CNTN6: variants seen among roughly 807,000 people sequenced by gnomAD.
CNTN6 encodes the protein contactin 6, also known as contactin-6.
In CNTN6, 137 loss-of-function variants were observed where a neutral mutation model predicts 122.8. The observed-to-expected ratio is 1.12, with a 90% CI of 0.97 to 1.29. The LOEUF (loss-of-function observed/expected upper bound fraction) is 1.29. Ranked by LOEUF, CNTN6 falls within the 50% of genes most tolerant of loss-of-function variation. The pLI is 0.00. For synonymous variants in CNTN6, 570 were observed against 426.0 expected (o/e 1.34, Z -4.16); for missense variants, 1,634 against 1,223.4 (o/e 1.34, Z -5.01).
chr3:1,146,710 T>C (rs1575015904), intron 1 of CNTN6, among the ~76,000 whole-genome samples: 1 of 152,046 alleles, frequency 6.6e-6, no homozygotes, highest in African/African-American at 2.4e-5. Flanking sequence ...ATAGTGCCCA[T>C]TGTCTTGCAA....
chr3:1,146,482 C>A (rs1175482837), intron 1 of CNTN6, among the ~76,000 whole-genome samples: 1 of 152,124 alleles, frequency 6.6e-6, no homozygotes, highest in East Asian at 1.9e-4. Context: ...AAGAGCTACT[C>A]ATATTTCAAG....
chr3:1,384,780 TATATATATATATATATACACACACACAC>T (rs1692577703), intron 19 of CNTN6, among the ~76,000 whole-genome samples: 1 of 130,436 alleles, frequency 7.7e-6, no homozygotes, highest in South Asian at 2.3e-4. Flanking sequence ...CACATATATA[TATATATATATATATATACACACACACAC>T]ACACATATAT....
intron 12 of CNTN6, among the ~76,000 whole-genome samples, chr3:1,354,528 G>A (rs543871792): frequency 2.6e-5 from 4 of 151,426 alleles, no homozygotes; most frequent in African/African-American, 9.7e-5. Context: ...CTTACGAACT[G>A]TATAACTGAC....
intron 2 of CNTN6, among the ~76,000 whole-genome samples, chr3:1,210,761 C>T (rs1413676799): frequency 2.0e-5 from 3 of 152,072 alleles, no homozygotes; most frequent in African/African-American, 4.8e-5. Flanking sequence ...TTTGCAGACC[C>T]CAGTACAAAA....
At chr3:1,282,974 C>A (rs545856497) in intron 5 of CNTN6, among the ~76,000 whole-genome samples, 1 of 152,052 alleles carries the variant, frequency 6.6e-6, no homozygotes, top group Admixed American at 6.6e-5. Context: ...AGAGACAACA[C>A]AAAACTCTTT....
At chr3:1,380,636 C>G (rs939572855) in intron 17 of CNTN6, among the ~76,000 whole-genome samples, 1 of 152,130 alleles carries the variant, frequency 6.6e-6, no homozygotes, top group Non-Finnish European at 1.5e-5. Flanking sequence ...AATATTCAGT[C>G]TCGTGGGCCA....
chr3:1,388,293 C>A (rs547274523), intron 20 of CNTN6, among the ~76,000 whole-genome samples: 1 of 147,948 alleles, frequency 6.8e-6, no homozygotes, highest in Non-Finnish European at 1.5e-5. Context: ...CACCCCCCAG[C>A]AGGGGCACAC....
chr3:1,179,228 G>C (rs993597744), intron 2 of CNTN6, among the ~76,000 whole-genome samples: 1 of 152,126 alleles, frequency 6.6e-6, no homozygotes, highest in Non-Finnish European at 1.5e-5. Context: ...CCATTCATGA[G>C]GGATCTGCCC....
At chr3:1,218,212 G>A (rs2094154849) in intron 2 of CNTN6, among the ~76,000 whole-genome samples, 1 of 152,106 alleles carries the variant, frequency 6.6e-6, no homozygotes, top group East Asian at 1.9e-4. Context: ...GAGGGTATCA[G>A]AGCCTGAGGA....
At chr3:1,230,688 T>C (rs1028242481) in intron 4 of CNTN6, among the ~76,000 whole-genome samples, 5 of 152,188 alleles carry the variant, frequency 3.3e-5, no homozygotes, top group Non-Finnish European at 7.3e-5. Context: ...CTCACTGATA[T>C]TGGGGCTTTC....
chr3:1,124,784 C>A (rs1270955092), intron 1 of CNTN6, among the ~76,000 whole-genome samples: 2 of 152,000 alleles, frequency 1.3e-5, no homozygotes, highest in East Asian at 3.9e-4. Flanking sequence ...CGGCCACTTC[C>A]TCCATGAAGA....
At chr3:1,344,446 C>A (rs1304412301) in intron 11 of CNTN6, among the ~76,000 whole-genome samples, 1 of 152,120 alleles carries the variant, frequency 6.6e-6, no homozygotes, top group African/African-American at 2.4e-5. Flanking sequence ...AGCTGCTTTA[C>A]CTGAACCTTT....
chr3:1,287,073 C>T (rs1320269031), intron 5 of CNTN6, among the ~76,000 whole-genome samples: 1 of 152,198 alleles, frequency 6.6e-6, no homozygotes, highest in East Asian at 1.9e-4. Flanking sequence ...TCATAAAGCA[C>T]GTTCTTAGAG....
intron 2 of CNTN6, among the ~76,000 whole-genome samples, chr3:1,148,969 T>C (rs72997899): frequency 1.3e-5 from 2 of 152,188 alleles, no homozygotes; most frequent in African/African-American, 4.8e-5. Context: ...GCAGCATTTC[T>C]TGATGCCAAC....
chr3:1,121,860 C>T (rs921691477), intron 1 of CNTN6, among the ~76,000 whole-genome samples: 1 of 151,792 alleles, frequency 6.6e-6, no homozygotes, highest in Non-Finnish European at 1.5e-5. Context: ...ATGTGTATTG[C>T]CTTTTCCTTC....
intron 1 of CNTN6, among the ~76,000 whole-genome samples, chr3:1,095,894 T>G (rs561555046): frequency 2.5e-4 from 38 of 152,314 alleles, no homozygotes; most frequent in South Asian, 6.2e-4. Context: ...GGAATTATCC[T>G]TTATCAACAG....
At chr3:1,098,763 C>A (rs1194554427) in intron 1 of CNTN6, among the ~76,000 whole-genome samples, 1 of 60,062 alleles carries the variant, frequency 1.7e-5, no homozygotes, top group Non-Finnish European at 2.7e-5. Flanking sequence ...AATGCACACA[C>A]ACACACACAC....
chr3:1,387,990 C>T (rs571944354), intron 20 of CNTN6, among the ~76,000 whole-genome samples: 25 of 152,210 alleles, frequency 1.6e-4, no homozygotes, highest in African/African-American at 4.1e-4. Flanking sequence ...GGGGGAGGGG[C>T]GCCCGCCATT....
rs184548266 is a variant in CNTN6, at chr3:1,395,583, C to G, written c.2705-5850C>G. On this transcript the variant is annotated intron_variant, in intron 20 of 22. Coordinates refer to ENST00000446702, the MANE Select transcript of CNTN6 (RefSeq NM_001289080.2). Reference sequence around the variant, plus strand: ...CTCTCACTTTCTTGCTTCCCTCTTTCCCTTGTACGGACCCTCCTGATGACA... The same window carrying G: ...CTCTCACTTTCTTGCTTCCCTCTTTGCCTTGTACGGACCCTCCTGATGACA... Among the ~76,000 whole-genome samples, 144 of 152,268 alleles carry G rather than the reference C, an allele frequency of 9.5e-4. 1 individual carries two copies. The highest frequency in any genetic ancestry group is 3.3e-3 in the African/African-American group (137 of 41,560).
Sources: gnomAD v4.1 joint callset for allele counts (sites outside exome capture counted in the v4.1 genomes callset) on GRCh38, gnomAD v4.1.1 for gene constraint, MANE v1.5 for transcripts, NCBI Gene and HGNC (gene_info 2026-07-23, HGNC 2026-07-21) for gene names.